Variants in CPNE3 observed in about 807,000 individuals in gnomAD.
CPNE3 encodes copine 3, also known as copine-3.
In CPNE3, 68 loss-of-function variants were observed where a neutral mutation model predicts 63.9. That is an observed-to-expected ratio of 1.06 (90% CI 0.87 to 1.30). The LOEUF is 1.30. Ranked by LOEUF, CPNE3 falls within the 50% of genes most tolerant of loss-of-function variation. CPNE3 has a pLI of 0.00. For synonymous variants in CPNE3, 219 were observed against 197.5 expected, an observed-to-expected ratio of 1.11 and a Z score of -0.91; for missense variants, 665 against 578.1, an observed-to-expected ratio of 1.15 and a Z score of -1.54.
chr8:86,535,218 T>C (rs377306400), intron 6 of CPNE3, among the ~76,000 whole-genome samples: 1 of 152,208 alleles, frequency 6.6e-6, no homozygotes, highest in Non-Finnish European at 1.5e-5. Context: ...TTTGGTGGAA[T>C]TGGTATTTAG....
At position 86,561,495 on chromosome 8, in the gene CPNE3, TG is replaced by T. The variant is rs1255659955; in HGVS notation, c.*3087del. 1.3e-5 allele frequency: 2 copies of T among 152,220 alleles called. No individual in the cohort carries two copies. Among genetic ancestry groups the T allele is most frequent in the Non-Finnish European group, 2.9e-5 (2 of 68,034 alleles). The allele number at this position is 152,220 out of a possible 1,614,324, so 9.4% of individuals were successfully genotyped here. ...TAAAAATAAAATATAGTGTTTTAGG[TG>T]GCCTTTGACTTCATATTTTACTGAA... On this transcript the variant is annotated 3_prime_UTR_variant, in exon 17 of 17. Coordinates refer to ENST00000517490, the MANE Select transcript of CPNE3 (RefSeq NM_003909.5).
At position 86,548,302 on chromosome 8, in the gene CPNE3, TG is replaced by T; in HGVS notation, c.884del (p.Gly295GlufsTer29). The T allele has an allele frequency of 1.2e-6, 2 of 1,613,918 alleles. No homozygotes were observed. The highest frequency in any genetic ancestry group is 1.7e-6 in the Non-Finnish European group (2 of 1,179,972). On this transcript the variant is annotated frameshift_variant and splice_region_variant, in exon 12 of 17. Coordinates refer to ENST00000517490, the MANE Select transcript of CPNE3 (RefSeq NM_003909.5). LOFTEE classifies it high-confidence loss of function. ...IMGGCQLNFT[V>X]GVDFTGSNGD... Reference sequence around the variant, plus strand: ...AGGGCTGCAATTGTTATTTGGCAGGTGGGAGTGGACTTCACTGGCTCCAATG... The same window carrying T: ...AGGGCTGCAATTGTTATTTGGCAGGTGGAGTGGACTTCACTGGCTCCAATG...
intron 2 of CPNE3, among the ~76,000 whole-genome samples, chr8:86,517,907 A>G (rs1376370220): frequency 1.3e-5 from 2 of 152,248 alleles, no homozygotes; most frequent in Non-Finnish European, 1.5e-5. Flanking sequence ...TAAACTGCTC[A>G]TGATTGGGAA....
intron 2 of CPNE3, among the ~76,000 whole-genome samples, chr8:86,527,853 G>A (rs1820572620): frequency 6.7e-6 from 1 of 149,584 alleles, no homozygotes; most frequent in Non-Finnish European, 1.5e-5. Flanking sequence ...AATCTGTTTT[G>A]TAGTATAATG....
chr8:86,544,765 A>T lies in CPNE3; in HGVS notation c.659A>T (p.Asp220Val). 6.4e-7 allele frequency: 1 copy of T among 1,550,420 alleles called. No homozygotes were observed. Among genetic ancestry groups the T allele is most frequent in the African/African-American group, 1.4e-5 (1 of 72,282 alleles). Reference sequence around the variant, plus strand: ...GTGGAGTGTTATGATTATGACAATGATGGGTCACATGATCTCATTGGAACA... The same window carrying T: ...GTGGAGTGTTATGATTATGACAATGTTGGGTCACATGATCTCATTGGAACA... ...IKVECYDYDNDGSHDLIGTFQ... is the reference protein window; with the variant it reads ...IKVECYDYDNVGSHDLIGTFQ... The change falls in exon 9 of 17, where the codon GAT becomes GTT. Residue 220 changes from aspartate to valine, a missense_variant. Coordinates refer to ENST00000517490, the MANE Select transcript of CPNE3 (RefSeq NM_003909.5).
At chr8:86,550,069 A>T (rs1821139153) in intron 12 of CPNE3, among the ~76,000 whole-genome samples, 1 of 152,248 alleles carries the variant, frequency 6.6e-6, no homozygotes. Flanking sequence ...GCAAACTTTA[A>T]AGTTTTAGAA....
rs1366946530 is a variant in CPNE3, at chr8:86,544,743, G to A, written c.637G>A (p.Glu213Lys). The A allele has an allele frequency of 2.1e-6, 3 of 1,410,792 alleles. No homozygotes were observed. In the Admixed American group the frequency reaches 7.2e-5, roughly 34 times the overall value. The allele number at this position is 1,410,792 out of a possible 1,614,324, so 87.4% of individuals were successfully genotyped here. Residue 213 changes from glutamate to lysine, a missense_variant, in exon 9 of 17, where the codon GAG becomes AAG. By Grantham distance (56) the Glu-to-Lys change is moderately conservative. Coordinates refer to ENST00000517490, the MANE Select transcript of CPNE3 (RefSeq NM_003909.5). The part of the protein sequence containing the change: ...YGDMDKTIKV[E>K]CYDYDNDGSH... ...TTTTTATTATATTTAATTTCAGGTG[G>A]AGTGTTATGATTATGACAATGATGG... is the stretch of plus-strand genomic sequence containing the variant.
intron 6 of CPNE3, among the ~76,000 whole-genome samples, chr8:86,534,939 G>A (rs946597055): frequency 3.9e-5 from 6 of 152,182 alleles, no homozygotes; most frequent in Admixed American, 1.3e-4. Context: ...TGTAAAGTAA[G>A]AGATTTAAAT....
chr8:86,540,268 T>C lies in CPNE3; in HGVS notation c.567T>C (p.Pro189=). The C allele has an allele frequency of 6.2e-7, 1 of 1,609,914 alleles. No individual in the cohort carries two copies. Among genetic ancestry groups the C allele is most frequent in the Non-Finnish European group, 8.5e-7 (1 of 1,177,656 alleles). ...RTEVVKNNLN[P]VWRPFKISLN... ...AGGTTGTTAAAAACAACTTGAATCC[T>C]GTTTGGAGGCCTTTCAAGATCTCTC... is the stretch of plus-strand genomic sequence containing the variant. Residue 189 remains proline, a synonymous_variant, in exon 8 of 17, where the codon CCT becomes CCC. Coordinates refer to ENST00000517490, the MANE Select transcript of CPNE3 (RefSeq NM_003909.5).
At chr8:86,558,053 A>C (rs1010536562) in intron 16 of CPNE3, among the ~76,000 whole-genome samples, 1 of 152,224 alleles carries the variant, frequency 6.6e-6, no homozygotes, top group African/African-American at 2.4e-5. Context: ...AAATGTTAGA[A>C]TGCTGGCACC....
chr8:86,522,451 A>G (rs1327457942), intron 2 of CPNE3, among the ~76,000 whole-genome samples: 2 of 151,526 alleles, frequency 1.3e-5, no homozygotes, highest in African/African-American at 2.4e-5. Context: ...ATGGGTTTAC[A>G]GTAACCTGGT....
intron 6 of CPNE3, among the ~76,000 whole-genome samples, chr8:86,536,310 ACACTTTCCTC>A (rs1820803317): frequency 6.8e-6 from 1 of 147,004 alleles, no homozygotes; most frequent in African/African-American, 2.5e-5. Flanking sequence ...TACTAGATGT[ACACTTTCCTC>A]CACTTTGCTT....
rs140795917 is a variant in CPNE3 at position 86,554,662 on chromosome 8, A to G, written c.1121-189A>G. On this transcript the variant is annotated intron_variant, in intron 14 of 16. Transcript: ENST00000517490. ...TCTATTGGGGGAGGACAGAGCTTATAGGTTTTTGCAATGGATCATACCTAT... is the reference window on the plus strand; with the variant it reads ...TCTATTGGGGGAGGACAGAGCTTATGGGTTTTTGCAATGGATCATACCTAT... Among the ~76,000 whole-genome samples the G allele has an allele frequency of 2.8e-3, 424 of 152,314 alleles. 2 individuals carry two copies. The highest frequency in any genetic ancestry group is 9.2e-3 in the African/African-American group (381 of 41,580).
At chr8:86,517,834 T>G (rs111826508) in intron 2 of CPNE3, among the ~76,000 whole-genome samples, 276 of 152,344 alleles carry the variant, frequency 1.8e-3, no homozygotes, top group African/African-American at 6.3e-3. Flanking sequence ...GAACAGTGCC[T>G]GACACACAGT....
chr8:86,547,627 A>G, intron 10 of CPNE3, 84 bp from the exon 11 acceptor site: 2 of 715,874 alleles, frequency 2.8e-6, no homozygotes, highest in Non-Finnish European at 5.0e-6. Flanking sequence ...CAATTTACAG[A>G]CTTTTAAAAA....
intron 16 of CPNE3, 151 bp downstream of exon 16, chr8:86,556,489 T>A (rs981992408): frequency 7.5e-6 from 5 of 663,118 alleles, no homozygotes; most frequent in Admixed American, 6.8e-5. Flanking sequence ...GGTTTAGCAG[T>A]GTTGCTTCAG....
chr8:86,526,633 C>T (rs1820547116), intron 2 of CPNE3, among the ~76,000 whole-genome samples: 1 of 152,038 alleles, frequency 6.6e-6, no homozygotes, highest in Admixed American at 6.5e-5. Flanking sequence ...CTACCTCAGA[C>T]TCCAGAGTAG....
intron 6 of CPNE3, among the ~76,000 whole-genome samples, chr8:86,533,586 G>T (rs759810961): frequency 1.1e-4 from 16 of 151,316 alleles, no homozygotes; most frequent in Non-Finnish European, 2.1e-4. Flanking sequence ...CTATAGGCTG[G>T]GGACTTTTTT....
At position 86,540,343 on chromosome 8, in the gene CPNE3, A is replaced by G; in HGVS notation, c.633+9A>G. The G allele has an allele frequency of 7.3e-7, 1 of 1,366,364 alleles. No individual in the cohort carries two copies. The highest frequency in any genetic ancestry group is 2.6e-5 in the East Asian group (1 of 39,038). 84.6% of individuals were successfully genotyped at this position (1,366,364 alleles called of 1,614,324 possible). The stretch of plus-strand genomic sequence containing the variant: ...TGGACAAAACCATTAAGGTAAGTTG[A>G]AATTATATATATATAAAATACTTAA... On this transcript the variant is annotated intron_variant, in intron 8 of 16. Coordinates refer to ENST00000517490, the MANE Select transcript of CPNE3 (RefSeq NM_003909.5).
Sources: allele counts gnomAD v4.1 joint callset (sites outside exome capture counted in the v4.1 genomes callset), GRCh38; gene constraint gnomAD v4.1.1; transcripts MANE v1.5; gene names NCBI Gene and HGNC (gene_info 2026-07-23, HGNC 2026-07-21).